The following IQCH variants were observed in gnomAD, a reference collection of about 807,000 sequenced individuals.
The protein encoded by IQCH is IQ domain-containing protein H.
IQCH carries 98 observed loss-of-function variants against 117.0 expected under a neutral mutation model. The ratio of observed to expected loss-of-function variants is 0.84; its 90% CI spans 0.71 to 0.99. The LOEUF (loss-of-function observed/expected upper bound fraction) is 0.99, where lower values mean the gene tolerates loss of function less well. Ranked by LOEUF, IQCH falls within the 50% of genes least tolerant of loss-of-function variation. The pLI, the probability that IQCH is intolerant of heterozygous loss-of-function variation, is 0.00. For synonymous variants in IQCH, 412 were observed against 448.2 expected (o/e 0.92, Z 1.02); for missense variants, 1,102 against 1,243.8 (o/e 0.89, Z 1.72).
intron 16 of IQCH, among the ~76,000 whole-genome samples, chr15:67,429,526 A>G (rs1443781008): frequency 1.3e-5 from 2 of 152,240 alleles, no homozygotes; most frequent in African/African-American, 2.4e-5. Flanking sequence ...TCAAAAAAAT[A>G]AAAAGCAAAC....
chr15:67,442,478 A>C (rs1233289068), intron 16 of IQCH, among the ~76,000 whole-genome samples: 1 of 152,080 alleles, frequency 6.6e-6, no homozygotes, highest in African/African-American at 2.4e-5. Flanking sequence ...ACCACAATGC[A>C]ATACCACCTT....
rs189713196 is a variant in IQCH at position 67,458,273 on chromosome 15, T to C, written c.2506-6854T>C. On this transcript the variant is annotated intron_variant, in intron 16 of 20. Transcript: ENST00000335894. This position sits in a 1 kb window ranked among gnomAD's most constrained non-coding sequence, Gnocchi z 4.1. The stretch of plus-strand genomic sequence containing the variant: ...GCCCCAGTGGGAAATGGTAATGCTA[T>C]TCTTCCATTTTCTTCAGGGTGGAAG... Among the ~76,000 whole-genome samples the C allele has an allele frequency of 5.1e-3, 776 of 152,392 alleles. 1 individual carries two copies. The highest frequency in any genetic ancestry group is 7.4e-3 in the Non-Finnish European group (502 of 68,040).
chr15:67,485,422 T>C (rs1456614639), intron 18 of IQCH, among the ~76,000 whole-genome samples: 1 of 152,240 alleles, frequency 6.6e-6, no homozygotes, highest in Non-Finnish European at 1.5e-5. Flanking sequence ...CAGAGATACA[T>C]GCAACATGGA....
At chr15:67,351,245 C>A (rs1229363392) in intron 6 of IQCH, among the ~76,000 whole-genome samples, 1 of 152,004 alleles carries the variant, frequency 6.6e-6, no homozygotes, top group Admixed American at 6.5e-5. Flanking sequence ...CCTGCTTCCC[C>A]CCACCCCCCA....
rs955877287 is a variant in IQCH at position 67,381,703 on chromosome 15, G to A, written c.1373-3233G>A. Among the ~76,000 whole-genome samples, 8 of 152,172 alleles carry A rather than the reference G, an allele frequency of 5.3e-5. No individual in the cohort carries two copies. The highest frequency in any genetic ancestry group is 8.8e-5 in the Non-Finnish European group (6 of 68,030). The stretch of plus-strand genomic sequence containing the variant: ...GGGCTAAGAATTTAAAAGACAGGCC[G>A]GACATGGTGGCTCATGCCTATAATA... On this transcript the variant is annotated intron_variant, in intron 10 of 20. Coordinates refer to ENST00000335894, the MANE Select transcript of IQCH (RefSeq NM_001031715.3). The surrounding 1 kb of genome is among the most constrained non-coding windows in gnomAD (Gnocchi z 5.1).
chr15:67,261,993 G>A (rs1479246537), intron 2 of IQCH, among the ~76,000 whole-genome samples: 4 of 152,118 alleles, frequency 2.6e-5, no homozygotes, highest in Non-Finnish European at 5.9e-5. Flanking sequence ...GGAGGCTGAG[G>A]TGGGAGGATT....
At chr15:67,368,703 C>T (rs567933061) in intron 8 of IQCH, among the ~76,000 whole-genome samples, 2 of 152,260 alleles carry the variant, frequency 1.3e-5, no homozygotes, top group Admixed American at 1.3e-4. Flanking sequence ...AGATGATATC[C>T]ATGTGGTATT....
chr15:67,312,612 A>G (rs1410174346), intron 4 of IQCH, among the ~76,000 whole-genome samples: 4 of 152,178 alleles, frequency 2.6e-5, no homozygotes, highest in Non-Finnish European at 5.9e-5. Flanking sequence ...CTTGAGTTAA[A>G]ATATAAAATT....
At chr15:67,375,974 A>G (rs1368966976) in intron 10 of IQCH, among the ~76,000 whole-genome samples, 1 of 151,838 alleles carries the variant, frequency 6.6e-6, no homozygotes, top group African/African-American at 2.4e-5. Context: ...TTCAGTAGAG[A>G]CGGGGTTTCA....
Position 67,404,682 on chromosome 15 carries a change from G to A in IQCH, c.2097+4377G>A, listed in dbSNP as rs1280979447. 1 of 152,054 alleles carries A rather than the reference G, an allele frequency of 6.6e-6. No individual in the cohort carries two copies. The highest frequency in any genetic ancestry group is 2.4e-5 in the African/African-American group (1 of 41,376). 9.4% of individuals were successfully genotyped at this position (152,054 alleles called of 1,614,324 possible). On this transcript the variant is annotated intron_variant, in intron 14 of 20. Coordinates refer to ENST00000335894, the MANE Select transcript of IQCH (RefSeq NM_001031715.3). The surrounding 1 kb of genome is among the most constrained non-coding windows in gnomAD (Gnocchi z 4.6). ...TAAATATTTTCCATGTTTATACATA[G>A]TCGTCACAATTATTAGATGCATAAT...
At position 67,258,300 on chromosome 15, in the gene IQCH, C is replaced by T. The variant is rs558939990; in HGVS notation, c.52-2972C>T. ...ATCCCAGCACTTTAGGAGGCCGAGGCGGGAGAATCACCTGAGGTCAGAAGT... is the reference window on the plus strand; with the variant it reads ...ATCCCAGCACTTTAGGAGGCCGAGGTGGGAGAATCACCTGAGGTCAGAAGT... On this transcript the variant is annotated intron_variant, in intron 1 of 20. Coordinates refer to ENST00000335894, the MANE Select transcript of IQCH (RefSeq NM_001031715.3). 5.3e-5 allele frequency among the ~76,000 whole-genome samples: 8 copies of T among 151,424 alleles called. No homozygotes were observed. In the South Asian group the frequency reaches 1.5e-3, roughly 28 times the overall value.
At chr15:67,336,201 A>G (rs1050699429) in intron 4 of IQCH, among the ~76,000 whole-genome samples, 39 of 152,294 alleles carry the variant, frequency 2.6e-4, no homozygotes, top group African/African-American at 8.7e-4. Context: ...AAATTAATTA[A>G]TGTTTGGAAA....
intron 1 of IQCH, among the ~76,000 whole-genome samples, chr15:67,259,451 T>G (rs184390383): frequency 2.6e-5 from 4 of 152,336 alleles, no homozygotes; most frequent in African/African-American, 9.6e-5. Context: ...ATATGGAAAT[T>G]GTGTGACTAA....
intron 10 of IQCH, among the ~76,000 whole-genome samples, chr15:67,378,073 A>G (rs2140809177): frequency 6.6e-6 from 1 of 152,288 alleles, no homozygotes; most frequent in East Asian, 1.9e-4. Flanking sequence ...CATATGCTGA[A>G]CTGAGAAAGT....
chr15:67,388,842 A>C lies in IQCH; in HGVS notation c.1468A>C (p.Asn490His), dbSNP rs543184629. Residue 490 changes from asparagine to histidine, a missense_variant, in exon 12 of 21, where the codon AAT becomes CAT. By Grantham distance (68) the Asn-to-His change is moderately conservative. Coordinates refer to ENST00000335894, the MANE Select transcript of IQCH (RefSeq NM_001031715.3). The surrounding 1 kb of genome is among the most constrained non-coding windows in gnomAD (Gnocchi z 5.5). ...CCTGTTGTTTTTAGATGCCAATGTG[A>C]ATGTCATCTACATCTGCTCCCATCA... ...RLCDILDANV[N>H]VIYICSHHMN... The C allele has an allele frequency of 2.9e-5, 47 of 1,613,012 alleles. No homozygotes were observed. Among genetic ancestry groups the C allele is most frequent in the East Asian group, 2.5e-4 (11 of 44,852 alleles).
intron 18 of IQCH, among the ~76,000 whole-genome samples, chr15:67,489,734 G>C (rs2083597633): frequency 6.6e-6 from 1 of 151,684 alleles, no homozygotes; most frequent in African/African-American, 2.4e-5. Flanking sequence ...TTCTGAGCTT[G>C]CATGATGCCC....
chr15:67,397,198 A>G (rs1971499860), intron 13 of IQCH, among the ~76,000 whole-genome samples: 1 of 152,242 alleles, frequency 6.6e-6, no homozygotes, highest in Non-Finnish European at 1.5e-5. Flanking sequence ...TGTATGTGCA[A>G]TGTTTATATT....
In IQCH at chr15:67,454,228, C is replaced by A. The variant is rs1403312088; in HGVS notation, c.2506-10899C>A. Among the ~76,000 whole-genome samples, 1 of 152,146 alleles carries A rather than the reference C, an allele frequency of 6.6e-6. No homozygotes were observed. Among genetic ancestry groups the A allele is most frequent in the Non-Finnish European group, 1.5e-5 (1 of 68,032 alleles). Reference sequence around the variant, plus strand: ...TTTGGCTCATGCATGGTGTGCTGCACCCACCATCCTGCGCCTACTGTCTGG... The same window carrying A: ...TTTGGCTCATGCATGGTGTGCTGCAACCACCATCCTGCGCCTACTGTCTGG... On this transcript the variant is annotated intron_variant, in intron 16 of 20. Transcript: ENST00000335894. This position sits in a 1 kb window ranked among gnomAD's most constrained non-coding sequence, Gnocchi z 5.2.
In IQCH at chr15:67,376,212, C is replaced by CT. The variant is rs1032229108; in HGVS notation, c.1372+2786dup. 5.9e-5 allele frequency among the ~76,000 whole-genome samples: 9 copies of CT among 152,098 alleles called. No homozygotes were observed. Among genetic ancestry groups the CT allele is most frequent in the African/African-American group, 7.2e-5 (3 of 41,396 alleles). ...TATATTTTTAAGGATATAGGGTACCCTTTTTTTGTGTACCACATCCCTGGG... is the reference window on the plus strand; with the variant it reads ...TATATTTTTAAGGATATAGGGTACCCTTTTTTTTGTGTACCACATCCCTGGG... On this transcript the variant is annotated intron_variant, in intron 10 of 20. Transcript: ENST00000335894. This position sits in a 1 kb window ranked among gnomAD's most constrained non-coding sequence, Gnocchi z 5.0.
Sources: allele counts gnomAD v4.1 joint callset (sites outside exome capture counted in the v4.1 genomes callset), GRCh38; gene constraint gnomAD v4.1.1; non-coding constraint Gnocchi (gnomAD v3.1); transcripts MANE v1.5; gene names NCBI Gene and HGNC (gene_info 2026-07-23, HGNC 2026-07-21).